ADCY6: variants seen among roughly 807,000 people sequenced by gnomAD.
ADCY6 encodes the protein adenylate cyclase 6.
ADCY6 carries 59 observed loss-of-function variants against 111.6 expected under a neutral mutation model. The ratio of observed to expected loss-of-function variants is 0.53; its 90% CI spans 0.43 to 0.66. ADCY6 has a LOEUF of 0.66. Among genes scored for constraint, ADCY6 ranks in the 30% least tolerant of loss-of-function variants. The pLI is 0.00. For synonymous variants in ADCY6, 576 were observed against 642.9 expected (o/e 0.90, Z 1.57); for missense variants, 1,242 against 1,595.6 (o/e 0.78, Z 3.78).
intron 18 of ADCY6, 104 bp from the exon 19 acceptor site, chr12:48,772,077 A>C (rs1220324262): frequency 1.4e-6 from 2 of 1,476,016 alleles, no homozygotes; most frequent in Admixed American, 4.8e-5. Flanking sequence ...TAGAGAAAGA[A>C]AGGCCCAGAC....
At position 48,774,508 on chromosome 12, in the gene ADCY6, T is replaced by C. The variant is rs754531568; in HGVS notation, c.2177A>G (p.Lys726Arg). Residue 726 changes from lysine (K) to arginine (R), a missense_variant, in exon 14 of 22, where the codon AAG becomes AGG. This residue lies in a region of ADCY6 where 375 missense variants were observed against 432.5 expected (regional missense o/e 0.87). Coordinates refer to ENST00000357869, the MANE Select transcript of ADCY6 (RefSeq NM_015270.5). ...GCTGCGGGACAGACGTTGCAGGGCC[T>C]TAGGGAACAGCTAGAGGCATCAAGA... is the stretch of plus-strand genomic sequence containing the variant. ...AVYSCGSLFP[K>R]ALQRLSRSIV... 6.2e-7 allele frequency: 1 copy of C among 1,613,776 alleles called. No homozygotes were observed. The highest frequency in any genetic ancestry group is 1.7e-5 in the Admixed American group (1 of 59,994).
Position 48,770,841 on chromosome 12 carries a change from C to T in ADCY6, c.3181G>A (p.Asp1061Asn), listed in dbSNP as rs1196822462. ...TGCTCCATGAGCCGCATGGCGTAGT[C>T]AGCCAGGGCAGTGATGTGGGAGCGG... ...VGRSHITALA[D>N]YAMRLMEQMK... Residue 1061 changes from aspartate (D) to asparagine (N), a missense_variant, in exon 20 of 22, where the codon GAC becomes AAC. This residue lies in a region of ADCY6 where 245 missense variants were observed against 371.3 expected (regional missense o/e 0.66). Transcript: ENST00000357869. The T allele has an allele frequency of 6.2e-7, 1 of 1,614,248 alleles. No individual in the cohort carries two copies. Among genetic ancestry groups the T allele is most frequent in the Admixed American group, 1.7e-5 (1 of 60,032 alleles).
At position 48,776,752 on chromosome 12, in the gene ADCY6, A is replaced by C. The variant is rs1382173799; in HGVS notation, c.1377-166T>G. Among the ~76,000 whole-genome samples the C allele has an allele frequency of 6.6e-6, 1 of 152,206 alleles. No homozygotes were observed. The highest frequency in any genetic ancestry group is 2.4e-5 in the African/African-American group (1 of 41,450). ...ATGAGCAGAAGGCTGCATGGGGCTC[A>C]AGGACAAATGTTAAGGCTGTGTTCA... On this transcript the variant is annotated intron_variant, in intron 6 of 21. Transcript: ENST00000357869. This position sits in a 1 kb window ranked among gnomAD's most constrained non-coding sequence, Gnocchi z 6.1.
upstream of ADCY6, chr12:48,789,793 G>A (rs1942052013): frequency 6.6e-6 from 1 of 151,752 alleles, no homozygotes; most frequent in South Asian, 2.1e-4. Context: ...GAGGGACCCA[G>A]GGAAGGGGCA....
In ADCY6 at chr12:48,776,406, C is replaced by T. The variant is rs369254909; in HGVS notation, c.1535+22G>A. The T allele has an allele frequency of 1.4e-5, 22 of 1,612,688 alleles. No homozygotes were observed. The highest frequency in any genetic ancestry group is 5.0e-5 in the Admixed American group (3 of 59,978). Reference sequence around the variant, plus strand: ...CTCTCCCACCTTGCCCCCATCCCCCCCACCTGGACCCCCCTACTCACCCAG... The same window carrying T: ...CTCTCCCACCTTGCCCCCATCCCCCTCACCTGGACCCCCCTACTCACCCAG... On this transcript the variant is annotated intron_variant, in intron 7 of 21. Coordinates refer to ENST00000357869, the MANE Select transcript of ADCY6 (RefSeq NM_015270.5). This position sits in a 1 kb window ranked among gnomAD's most constrained non-coding sequence, Gnocchi z 6.1.
In ADCY6 at chr12:48,772,364, C is replaced by G. The variant is rs1210411768; in HGVS notation, c.2718G>C (p.Ala906=). 10 of 1,614,078 alleles carry G rather than the reference C, an allele frequency of 6.2e-6. No individual in the cohort carries two copies. The highest frequency in any genetic ancestry group is 8.5e-6 in the Non-Finnish European group (10 of 1,180,036). ...YMTPVILLVF[A]LALYLHAQQV... is the part of the protein sequence containing the mutation. ...GCTGAGCATGCAGATACAGCGCCAG[C>G]GCAAACACCAGCAGAATCACAGGGG... Residue 906 remains alanine, a synonymous_variant, in exon 18 of 22, where the codon GCG becomes GCC. Coordinates refer to ENST00000357869, the MANE Select transcript of ADCY6 (RefSeq NM_015270.5).
At chr12:48,778,497 G>T in intron 2 of ADCY6, 1 of 516,766 alleles carries the variant, frequency 1.9e-6, no homozygotes, top group Non-Finnish European at 3.5e-6. Context: ...CACAGCTTCT[G>T]GAAGCAGAAG....
In ADCY6 at chr12:48,782,923, G is replaced by T; in HGVS notation, c.512C>A (p.Ala171Asp). The change falls in exon 2 of 22, where the codon GCC (alanine) becomes GAC (aspartate). Residue 171 changes from alanine to aspartate, a missense_variant. By Grantham distance (126) the Ala-to-Asp change is moderately radical (BLOSUM62 -2). Around this residue, in one of 4 missense-constraint regions of ADCY6, gnomAD observed 362 missense variants for 377.2 expected, o/e 0.96. Coordinates refer to ENST00000357869, the MANE Select transcript of ADCY6 (RefSeq NM_015270.5). This position sits in a 1 kb window ranked among gnomAD's most constrained non-coding sequence, Gnocchi z 4.3. ...LLTAVLLAFHAAPARPQPAYV... is the reference protein window; with the variant it reads ...LLTAVLLAFHDAPARPQPAYV... ...GGCAGGCTGAGGGCGGGCGGGTGCG[G>T]CGTGGAAAGCCAGCAGCACCGCTGT... 1 of 1,613,480 alleles carries T rather than the reference G, an allele frequency of 6.2e-7. No homozygotes were observed.
intron 1 of ADCY6, 164 bp from the exon 2 acceptor site, chr12:48,783,602 G>T: frequency 6.9e-7 from 1 of 1,444,790 alleles, no homozygotes; most frequent in Non-Finnish European, 9.1e-7. Context: ...AGGCAACAAG[G>T]GTATCCCCAA....
intron 1 of ADCY6, among the ~76,000 whole-genome samples, chr12:48,787,961 TC>T (rs142599679): frequency 0.013 from 1,986 of 152,248 alleles, 38 homozygotes; most frequent in African/African-American, 0.044. Flanking sequence ...CTCCTGTCTA[TC>T]CCATCCCCAG....
chr12:48,769,019 C>T lies in ADCY6; in HGVS notation c.3299G>A (p.Arg1100Gln), dbSNP rs142639338. The T allele has an allele frequency of 1.9e-5, 31 of 1,613,520 alleles. No homozygotes were observed. Among genetic ancestry groups the T allele is most frequent in the African/African-American group, 1.1e-4 (8 of 74,890 alleles). The change falls in exon 21 of 22, where the codon CGG becomes CAG. Residue 1100 changes from arginine to glutamine, a missense_variant. Physicochemically the swap from Arg to Gln is conservative, Grantham distance 43 (BLOSUM62 1). Around this residue, in one of 4 missense-constraint regions of ADCY6, gnomAD observed 245 missense variants for 371.3 expected, o/e 0.66. Coordinates refer to ENST00000357869, the MANE Select transcript of ADCY6 (RefSeq NM_015270.5). Reference protein sequence around the residue: ...GPVVAGVIGARKPQYDIWGNT... With the variant: ...GPVVAGVIGAQKPQYDIWGNT... ...CCCCCAGATGTCATACTGTGGCTTC[C>T]GAGCCCCGATGACACCTGCCACGAC...
At position 48,771,502 on chromosome 12, in the gene ADCY6, T is replaced by C. The variant is rs781760912; in HGVS notation, c.3051+208A>G. On this transcript the variant is annotated intron_variant, in intron 19 of 21. Coordinates refer to ENST00000357869, the MANE Select transcript of ADCY6 (RefSeq NM_015270.5). This position sits in a 1 kb window ranked among gnomAD's most constrained non-coding sequence, Gnocchi z 4.3. Reference sequence around the variant, plus strand: ...GTCCTCCCCTGCTCCCCAACAGTGATGACCCTGCCCCACTAGGGCTGACCC... The same window carrying C: ...GTCCTCCCCTGCTCCCCAACAGTGACGACCCTGCCCCACTAGGGCTGACCC... The C allele has an allele frequency of 1.0e-4, 74 of 743,172 alleles. No individual in the cohort carries two copies. The highest frequency in any genetic ancestry group is 1.6e-4 in the Non-Finnish European group (67 of 431,800). The allele number at this position is 743,172 out of a possible 1,614,324, so 46.0% of individuals were successfully genotyped here. A position where few individuals can be genotyped will look rare whatever the true frequency, so the allele number is the denominator to read the frequency against.
At position 48,770,878 on chromosome 12, in the gene ADCY6, G is replaced by T; in HGVS notation, c.3144C>A (p.Tyr1048Ter). The T allele has an allele frequency of 6.2e-7, 1 of 1,614,236 alleles. No homozygotes were observed. Among genetic ancestry groups the T allele is most frequent in the Non-Finnish European group, 8.5e-7 (1 of 1,180,044 alleles). ...MAASGLNAST[Y>*]DQVGRSHITA... ...TGATGTGGGAGCGGCCCACCTGATC[G>T]TAGGTGCTGGCGTTCAGCCCTGAGG... Residue 1048 changes from tyrosine (Y) to a stop codon, truncating the protein, a stop_gained, in exon 20 of 22, where the codon TAC becomes TAA. Transcript: ENST00000357869. LOFTEE classifies it high-confidence loss of function.
At chr12:48,785,062 A>G (rs1414865117) in intron 1 of ADCY6, among the ~76,000 whole-genome samples, 2 of 152,164 alleles carry the variant, frequency 1.3e-5, no homozygotes, top group Non-Finnish European at 2.9e-5. Flanking sequence ...GAGCTCCTCC[A>G]GGTCACATCC....
chr12:48,777,536 A>G lies in ADCY6; in HGVS notation c.1137-15T>C. ...CAAACAGGATGCTGTAGATGACAGC[A>G]GAGGATGAACAGAACACATAGCCCT... On this transcript the variant is annotated splice_polypyrimidine_tract_variant and intron_variant, in intron 4 of 21. Coordinates refer to ENST00000357869, the MANE Select transcript of ADCY6 (RefSeq NM_015270.5). The surrounding 1 kb of genome is among the most constrained non-coding windows in gnomAD (Gnocchi z 4.9). 6.2e-7 allele frequency: 1 copy of G among 1,614,208 alleles called. No homozygotes were observed. The highest frequency in any genetic ancestry group is 8.5e-7 in the Non-Finnish European group (1 of 1,179,990).
rs562760135 is a variant in ADCY6 at position 48,768,276 on chromosome 12, C to T, written c.*315G>A. On this transcript the variant is annotated 3_prime_UTR_variant, in exon 22 of 22. Transcript: ENST00000357869. ...GGCATGGCAAGCTGCCATTTTAATC[C>T]CTCAGGCAAGAGGCCTCCCTCTGCT... is the stretch of plus-strand genomic sequence containing the variant. 24 of 428,448 alleles carry T rather than the reference C, an allele frequency of 5.6e-5. No individual in the cohort carries two copies. Among genetic ancestry groups the T allele is most frequent in the African/African-American group, 4.2e-4 (21 of 50,034 alleles). The allele number at this position is 428,448 out of a possible 1,614,324, so 26.5% of individuals were successfully genotyped here.
chr12:48,781,633 C>T (rs1941847887), intron 2 of ADCY6, among the ~76,000 whole-genome samples: 1 of 152,194 alleles, frequency 6.6e-6, no homozygotes, highest in Admixed American at 6.5e-5. Context: ...TTCTACTCCA[C>T]TCTAGGAAAG....
In ADCY6 at chr12:48,777,775, G is replaced by A; in HGVS notation, c.1015-39C>T. Reference sequence around the variant, plus strand: ...TCCAATAGGGCATCACTATACTCTTGGTCTCACATTGCAATCCCTCCTGGT... The same window carrying A: ...TCCAATAGGGCATCACTATACTCTTAGTCTCACATTGCAATCCCTCCTGGT... On this transcript the variant is annotated intron_variant, in intron 3 of 21. Coordinates refer to ENST00000357869, the MANE Select transcript of ADCY6 (RefSeq NM_015270.5). This position sits in a 1 kb window ranked among gnomAD's most constrained non-coding sequence, Gnocchi z 4.9. The A allele has an allele frequency of 6.2e-7, 1 of 1,610,534 alleles. No homozygotes were observed. The highest frequency in any genetic ancestry group is 8.5e-7 in the Non-Finnish European group (1 of 1,178,432).
chr12:48,786,622 C>T (rs544405275), intron 1 of ADCY6, among the ~76,000 whole-genome samples: 1 of 152,330 alleles, frequency 6.6e-6, no homozygotes, highest in African/African-American at 2.4e-5. Context: ...CTCGGCCTCC[C>T]AAAGTGCTGG....
Sources: allele counts gnomAD v4.1 joint callset (sites outside exome capture counted in the v4.1 genomes callset), GRCh38; gene constraint gnomAD v4.1.1; regional missense constraint gnomAD v4.1.1; non-coding constraint Gnocchi (gnomAD v3.1); transcripts MANE v1.5; gene names NCBI Gene and HGNC (gene_info 2026-07-23, HGNC 2026-07-21).